The following NDUFA10 variants were observed in gnomAD, a reference collection of about 807,000 sequenced individuals.
NDUFA10 encodes the protein NADH dehydrogenase [ubiquinone] 1 alpha subcomplex subunit 10, mitochondrial.
In NDUFA10, 40 loss-of-function variants were observed where a neutral mutation model predicts 47.8. That is an observed-to-expected ratio of 0.84 (90% CI 0.65 to 1.09). NDUFA10 has a LOEUF of 1.09. Ranked by LOEUF, NDUFA10 falls within the 50% of genes least tolerant of loss-of-function variation. The pLI is 0.00. For missense variants in NDUFA10, 413 were observed against 451.1 expected (o/e 0.92, Z 0.76); for synonymous variants, 183 against 172.2 (o/e 1.06, Z -0.49).
chr2:240,022,391 G>T, intron 1 of NDUFA10, 51 bp from the exon 2 acceptor site: 1 of 1,611,590 alleles, frequency 6.2e-7, no homozygotes, highest in Non-Finnish European at 8.5e-7. Context: ...TCTGGTTCCT[G>T]TAGGCATTAG....
At chr2:239,954,150 C>T (rs570318500), downstream of NDUFA10, among the ~76,000 whole-genome samples, 225 of 145,922 alleles carry the variant, frequency 1.5e-3, no homozygotes, top group Non-Finnish European at 2.5e-3. Flanking sequence ...GTTCCCCCGA[C>T]GGTCAGGCTG....
intron 8 of NDUFA10, among the ~76,000 whole-genome samples, chr2:240,000,447 A>C (rs1385890442): frequency 6.6e-6 from 1 of 152,254 alleles, no homozygotes; most frequent in Non-Finnish European, 1.5e-5. Context: ...AAAATCAGAA[A>C]ATACTTCTAG....
chr2:239,922,334 A>C (rs1477645877), intron 4 of NDUFA10, among the ~76,000 whole-genome samples: 1 of 152,116 alleles, frequency 6.6e-6, no homozygotes, highest in Non-Finnish European at 1.5e-5. Context: ...GCAGCCTGGG[A>C]GCCCTCAATG....
intron 7 of NDUFA10, among the ~76,000 whole-genome samples, chr2:240,006,973 A>G (rs1454421257): frequency 6.6e-6 from 1 of 152,256 alleles, no homozygotes; most frequent in Non-Finnish European, 1.5e-5. Context: ...CTTTCACAAA[A>G]CACACGAATT....
intron 9 of NDUFA10, among the ~76,000 whole-genome samples, chr2:239,989,510 C>T (rs953972946): frequency 1.3e-5 from 2 of 152,262 alleles, no homozygotes; most frequent in African/African-American, 4.8e-5. Flanking sequence ...CAGGCTGCAA[C>T]TCACCCGCTG....
chr2:239,929,386 A>G (rs1694120847), intron 4 of NDUFA10, among the ~76,000 whole-genome samples: 1 of 152,196 alleles, frequency 6.6e-6, no homozygotes, highest in Admixed American at 6.5e-5. Flanking sequence ...TTGTGGTCTC[A>G]GGTCTCACTC....
chr2:239,934,684 G>C (rs1051121383), intron 4 of NDUFA10, among the ~76,000 whole-genome samples: 1 of 152,118 alleles, frequency 6.6e-6, no homozygotes, highest in Non-Finnish European at 1.5e-5. Context: ...GGTAGAGGGC[G>C]CTGGACCTCA....
chr2:239,983,514 T>C, intron 9 of NDUFA10: 1 of 1,598,218 alleles, frequency 6.3e-7, no homozygotes, highest in African/African-American at 1.3e-5. Context: ...AGACAATTCT[T>C]ACTCAACAAA....
chr2:239,996,652 T>C (rs1463310719), intron 8 of NDUFA10, among the ~76,000 whole-genome samples: 1 of 152,162 alleles, frequency 6.6e-6, no homozygotes, highest in Admixed American at 6.5e-5. Flanking sequence ...GTCCCTTACA[T>C]AAAATCATAC....
At chr2:239,998,451 G>T (rs1389433327) in intron 8 of NDUFA10, among the ~76,000 whole-genome samples, 1 of 152,234 alleles carries the variant, frequency 6.6e-6, no homozygotes, top group Non-Finnish European at 1.5e-5. Flanking sequence ...TGCGCTCTCA[G>T]AAAGCCTTTC....
chr2:240,024,488 G>A (rs1697772484), intron 1 of NDUFA10, among the ~76,000 whole-genome samples: 1 of 152,172 alleles, frequency 6.6e-6, no homozygotes, highest in Admixed American at 6.5e-5. Flanking sequence ...AAAGCAGAGG[G>A]GAATTTTTTA....
rs1694731151 is a variant in NDUFA10, at chr2:239,958,793, T to C, written c.*2325A>G. ...CTTTCTTTTCAATACAGAATTCTCA[T>C]GCCTGTAAACACATGCCTGTATGAA... On this transcript the variant is annotated 3_prime_UTR_variant, in exon 10 of 10. Coordinates refer to ENST00000252711, the MANE Select transcript of NDUFA10 (RefSeq NM_004544.4). 3 of 325,606 alleles carry C rather than the reference T, an allele frequency of 9.2e-6. No individual in the cohort carries two copies. The highest frequency in any genetic ancestry group is 1.3e-5 in the Non-Finnish European group (3 of 226,952). 20.2% of individuals were successfully genotyped at this position (325,606 alleles called of 1,614,324 possible). A position where few individuals can be genotyped will look rare whatever the true frequency, so the allele number is the denominator to read the frequency against.
intron 9 of NDUFA10, among the ~76,000 whole-genome samples, chr2:239,962,260 T>C (rs1348485200): frequency 1.3e-5 from 2 of 151,544 alleles, no homozygotes; most frequent in Non-Finnish European, 2.9e-5. Context: ...ATTCTGCCCT[T>C]AAGAACAGGT....
chr2:239,952,500 T>C (rs112374756), downstream of NDUFA10, among the ~76,000 whole-genome samples: 1,831 of 152,256 alleles, frequency 0.012, 43 homozygotes, highest in East Asian at 0.043. Flanking sequence ...CATCACAAGA[T>C]CTGTAGGTGG....
chr2:239,961,204 A>G lies in NDUFA10; in HGVS notation c.1000-18T>C. On this transcript the variant is annotated intron_variant, in intron 9 of 9. Coordinates refer to ENST00000252711, the MANE Select transcript of NDUFA10 (RefSeq NM_004544.4). ...CCCGGCAGCTGTGGGGGAAAAAGGC[A>G]TTGGTGCATTCTGTTTAACGTGAAT... The G allele has an allele frequency of 6.2e-7, 1 of 1,614,096 alleles. No homozygotes were observed.
intron 4 of NDUFA10, among the ~76,000 whole-genome samples, chr2:239,907,440 T>A (rs2106468844): frequency 6.6e-6 from 1 of 152,278 alleles, no homozygotes; most frequent in East Asian, 1.9e-4. Context: ...CAAAAGAAAC[T>A]ACCATCAGAG....
chr2:239,947,182 T>C (rs142807285), intron 4 of NDUFA10, among the ~76,000 whole-genome samples: 186 of 152,294 alleles, frequency 1.2e-3, no homozygotes, highest in African/African-American at 4.0e-3. Context: ...TCTGGGGCCG[T>C]CCCGCCTGCT....
At chr2:239,999,199 T>C (rs529603780) in intron 8 of NDUFA10, among the ~76,000 whole-genome samples, 1 of 152,360 alleles carries the variant, frequency 6.6e-6, no homozygotes, top group South Asian at 2.1e-4. Context: ...TGAATGGTCA[T>C]CACCGCACAA....
chr2:239,963,657 G>C (rs1694946124), intron 9 of NDUFA10, among the ~76,000 whole-genome samples: 1 of 152,196 alleles, frequency 6.6e-6, no homozygotes, highest in Admixed American at 6.5e-5. Flanking sequence ...CTACATGGCG[G>C]GTTGCCCCAT....
Sources: allele counts gnomAD v4.1 joint callset (sites outside exome capture counted in the v4.1 genomes callset), GRCh38; gene constraint gnomAD v4.1.1; transcripts MANE v1.5; gene names NCBI Gene and HGNC (gene_info 2026-07-23, HGNC 2026-07-21).